Variants in SIK3 observed in about 807,000 individuals in gnomAD.
The protein encoded by SIK3 is serine/threonine-protein kinase SIK3.
A neutral mutation model predicts 144.2 loss-of-function variants in SIK3; 28 were observed. The observed-to-expected ratio is 0.19, with a 90% CI of 0.14 to 0.27. The LOEUF (loss-of-function observed/expected upper bound fraction) is 0.27, where lower values mean the gene tolerates loss of function less well. Among genes scored for constraint, SIK3 ranks in the 10% least tolerant of loss-of-function variants. The pLI, the probability that SIK3 is intolerant of heterozygous loss-of-function variation, is 1.00. For missense variants in SIK3, 1,319 were observed against 1,776.0 expected (o/e 0.74, Z 4.62); for synonymous variants, 686 against 676.3 (o/e 1.01, Z -0.22).
In SIK3 at chr11:116,858,229, G is replaced by A. The variant is rs142486692; in HGVS notation, c.3236C>T (p.Ala1079Val). The A allele has an allele frequency of 3.8e-5, 61 of 1,614,002 alleles. No homozygotes were observed. The highest frequency in any genetic ancestry group is 1.6e-4 in the Middle Eastern group (1 of 6,084). The change falls in exon 21 of 25, where the codon GCT (alanine) becomes GTT (valine). Residue 1079 changes from alanine to valine, a missense_variant. By Grantham distance (64) the Ala-to-Val change is moderately conservative. This residue lies in a region of SIK3 where 646 missense variants were observed against 763.7 expected (regional missense o/e 0.85). Transcript: ENST00000445177. This position sits in a 1 kb window ranked among gnomAD's most constrained non-coding sequence, Gnocchi z 5.4. ...CATGCTCTGTCCCCCAAGGCTGGGAGCCAGACTCCCCGCATCCCCTTGGTT... is the reference window on the plus strand; with the variant it reads ...CATGCTCTGTCCCCCAAGGCTGGGAACCAGACTCCCCGCATCCCCTTGGTT... ...HMNQGDAGSL[A>V]PSLGGQSMTE... is the part of the protein sequence containing the mutation.
At chr11:117,085,283 A>G (rs1338418666) in intron 1 of SIK3, among the ~76,000 whole-genome samples, 1 of 151,920 alleles carries the variant, frequency 6.6e-6, no homozygotes, top group Non-Finnish European at 1.5e-5. Context: ...TCCACCGCTC[A>G]CTTATTTTTA....
At chr11:116,874,103 C>A in intron 11 of SIK3, 47 bp from the exon 12 acceptor site, 1 of 1,601,170 alleles carries the variant, frequency 6.2e-7, no homozygotes, top group South Asian at 1.1e-5. Flanking sequence ...CATTCTTACT[C>A]AAAAGTGCTT....
chr11:117,021,959 A>AAAAAAAAAAAAAAAAAAAAC (rs1565565812), intron 1 of SIK3, among the ~76,000 whole-genome samples: 1 of 141,468 alleles, frequency 7.1e-6, no homozygotes, highest in African/African-American at 2.7e-5. Context: ...AAAAAAAAAA[A>AAAAAAAAAAAAAAAAAAAAC]AACCTAAAAA....
At chr11:116,947,067 G>A (rs533670193) in intron 3 of SIK3, among the ~76,000 whole-genome samples, 1 of 127,494 alleles carries the variant, frequency 7.8e-6, no homozygotes, top group South Asian at 2.5e-4. Flanking sequence ...AGCCGAGATT[G>A]CGCCACTGCA....
intron 1 of SIK3, among the ~76,000 whole-genome samples, chr11:117,011,514 C>T (rs567793905): frequency 3.4e-5 from 5 of 147,790 alleles, no homozygotes; most frequent in Admixed American, 6.9e-5. Flanking sequence ...AGAAATTAAA[C>T]GGAAATTTTT....
chr11:117,069,817 A>G (rs567035319), intron 1 of SIK3, among the ~76,000 whole-genome samples: 1 of 152,334 alleles, frequency 6.6e-6, no homozygotes, highest in South Asian at 2.1e-4. Flanking sequence ...TTCACATTTA[A>G]GTCGCCACAT....
intron 1 of SIK3, among the ~76,000 whole-genome samples, chr11:117,058,501 C>A (rs1194187453): frequency 7.2e-6 from 1 of 139,516 alleles, no homozygotes; most frequent in African/African-American, 2.8e-5. Flanking sequence ...GCCCGGGCAA[C>A]AGAGCGAGAC....
At chr11:117,094,929 G>C (rs1955406827) in intron 1 of SIK3, among the ~76,000 whole-genome samples, 1 of 152,106 alleles carries the variant, frequency 6.6e-6, no homozygotes, top group Admixed American at 6.5e-5. Context: ...CTGCAGTGCC[G>C]CTCTAAGCAC....
chr11:117,024,875 C>G (rs1211936862), intron 1 of SIK3, among the ~76,000 whole-genome samples: 1 of 151,862 alleles, frequency 6.6e-6, no homozygotes, highest in Non-Finnish European at 1.5e-5. Context: ...GCACTCTAGC[C>G]TGAGTGACAG....
chr11:116,875,754 A>G, intron 9 of SIK3, 112 bp downstream of exon 9: 1 of 1,283,350 alleles, frequency 7.8e-7, no homozygotes, highest in East Asian at 2.3e-5. Context: ...ATGGGAGGAG[A>G]CAGAGGTAAG....
intron 1 of SIK3, among the ~76,000 whole-genome samples, chr11:117,083,576 T>A (rs1038440076): frequency 6.6e-6 from 1 of 152,046 alleles, no homozygotes; most frequent in Non-Finnish European, 1.5e-5. Flanking sequence ...TTTGAGAGTT[T>A]AAAAAAATGA....
intron 7 of SIK3, among the ~76,000 whole-genome samples, 169 bp from the exon 8 acceptor site, chr11:116,876,532 A>C (rs1944265017): frequency 6.6e-6 from 1 of 152,120 alleles, no homozygotes; most frequent in Non-Finnish European, 1.5e-5. Flanking sequence ...ACAGACAACA[A>C]CTCACTGTTT....
chr11:117,003,755 G>T (rs1262989279), intron 1 of SIK3, among the ~76,000 whole-genome samples: 1 of 152,040 alleles, frequency 6.6e-6, no homozygotes, highest in East Asian at 1.9e-4. Flanking sequence ...TTTAGGTAGG[G>T]TCAACATCAC....
intron 16 of SIK3, among the ~76,000 whole-genome samples, chr11:116,863,440 G>A (rs982216053): frequency 6.6e-6 from 1 of 152,074 alleles, no homozygotes; most frequent in African/African-American, 2.4e-5. Flanking sequence ...CGTTGCCTAG[G>A]CTGGTCTAGA....
intron 4 of SIK3, among the ~76,000 whole-genome samples, chr11:116,906,349 ACTTTTT>A (rs1300892587): frequency 6.6e-6 from 1 of 152,158 alleles, no homozygotes; most frequent in Non-Finnish European, 1.5e-5. Flanking sequence ...AAAAAAAATT[ACTTTTT>A]CTTTATGTCC....
intron 1 of SIK3, among the ~76,000 whole-genome samples, chr11:117,031,649 T>C (rs1188870202): frequency 6.6e-6 from 1 of 150,390 alleles, no homozygotes; most frequent in Non-Finnish European, 1.5e-5. Flanking sequence ...CCCTCCCAAG[T>C]AGCTGGGATT....
chr11:116,868,488 G>A (rs1038346245), intron 14 of SIK3, among the ~76,000 whole-genome samples: 1 of 152,200 alleles, frequency 6.6e-6, no homozygotes, highest in Non-Finnish European at 1.5e-5. Flanking sequence ...TCCTAGAGAT[G>A]AACCTGGGGA....
At chr11:116,967,016 A>G (rs1382118448) in intron 1 of SIK3, among the ~76,000 whole-genome samples, 2 of 120,688 alleles carry the variant, frequency 1.7e-5, no homozygotes, top group African/African-American at 3.9e-5. Flanking sequence ...AAAAAAAAAG[A>G]AAAAGAAAAA....
In SIK3 at chr11:116,911,461, G is replaced by A. The variant is rs372674933; in HGVS notation, c.617-14144C>T. Among the ~76,000 whole-genome samples, 140 of 152,080 alleles carry A rather than the reference G, an allele frequency of 9.2e-4. No homozygotes were observed. The Middle Eastern group carries it at 0.014, about 15-fold the overall frequency. On this transcript the variant is annotated intron_variant, in intron 4 of 24. Transcript: ENST00000445177. ...GGCGGAGGCTGCAGTGACCCGAGAT[G>A]GTGGCACTGAACTCCAGCCTGGGCA...
Sources: allele counts gnomAD v4.1 joint callset (sites outside exome capture counted in the v4.1 genomes callset), GRCh38; gene constraint gnomAD v4.1.1; regional missense constraint gnomAD v4.1.1; non-coding constraint Gnocchi (gnomAD v3.1); transcripts MANE v1.5; gene names NCBI Gene and HGNC (gene_info 2026-07-23, HGNC 2026-07-21).